FBXO36: variants seen among roughly 807,000 people sequenced by gnomAD.
FBXO36 encodes F-box protein 36.
In FBXO36, 18 loss-of-function variants were observed where a neutral mutation model predicts 17.0. The ratio of observed to expected loss-of-function variants is 1.06; its 90% CI spans 0.73 to 1.57. FBXO36 has a LOEUF of 1.57. Among genes scored for constraint, FBXO36 ranks in the 40% most tolerant of loss-of-function variants. The pLI is 0.00. For synonymous variants in FBXO36, 83 were observed against 85.3 expected (o/e 0.97, Z 0.15); for missense variants, 229 against 221.9 (o/e 1.03, Z -0.20).
chr2:229,996,946 C>T, intron 3 of FBXO36, 23 bp downstream of exon 3: 2 of 1,592,316 alleles, frequency 1.3e-6, no homozygotes, highest in Non-Finnish European at 1.7e-6. Flanking sequence ...TATTTTATGT[C>T]TATATAGAAT....
chr2:230,007,470 C>T (rs34012856), intron 3 of FBXO36, among the ~76,000 whole-genome samples: 35,172 of 152,130 alleles, frequency 0.23, 5,098 homozygotes, highest in Middle Eastern at 0.37. Context: ...CCCTGGGGCA[C>T]AGGTGGAAAC....
At chr2:229,960,225 T>C (rs556843842) in intron 1 of FBXO36, among the ~76,000 whole-genome samples, 2 of 152,260 alleles carry the variant, frequency 1.3e-5, no homozygotes, top group Non-Finnish European at 2.9e-5. Flanking sequence ...TCATCCAGGC[T>C]GTAGTGCAAT....
intron 1 of FBXO36, among the ~76,000 whole-genome samples, chr2:229,934,251 A>G (rs1429117739): frequency 1.3e-5 from 2 of 151,776 alleles, no homozygotes; most frequent in Non-Finnish European, 2.9e-5. Context: ...AATACAAAAA[A>G]TTAGCTGGGC....
intron 1 of FBXO36, among the ~76,000 whole-genome samples, chr2:229,949,068 C>T (rs534330659): frequency 7.9e-5 from 12 of 152,132 alleles, no homozygotes; most frequent in Non-Finnish European, 1.3e-4. Flanking sequence ...CTCCTGACCT[C>T]GTGATCCGCC....
chr2:230,003,165 G>A (rs922615563), intron 3 of FBXO36, among the ~76,000 whole-genome samples: 1 of 147,824 alleles, frequency 6.8e-6, no homozygotes, highest in African/African-American at 2.5e-5. Context: ...ACCCAAGATC[G>A]GGCCACCGCA....
At chr2:229,965,770 A>C (rs2077149286) in intron 1 of FBXO36, among the ~76,000 whole-genome samples, 1 of 152,030 alleles carries the variant, frequency 6.6e-6, no homozygotes, top group African/African-American at 2.4e-5. Context: ...AATCCACTCT[A>C]TCATTGTTGG....
chr2:229,941,155 T>A (rs563197982), intron 1 of FBXO36, among the ~76,000 whole-genome samples: 2 of 152,234 alleles, frequency 1.3e-5, no homozygotes, highest in African/African-American at 4.8e-5. Context: ...GAGGAGCCCC[T>A]TCTTGAAAAT....
Position 229,962,539 on chromosome 2 carries a change from T to TTTTAG in FBXO36, c.97-13698_97-13697insGTTTA, listed in dbSNP as rs1479288202. Among the ~76,000 whole-genome samples the TTTTAG allele has an allele frequency of 2.5e-4, 37 of 149,184 alleles. 1 individual carries two copies. The highest frequency in any genetic ancestry group is 1.2e-3 in the Admixed American group (18 of 14,910). Reference sequence around the variant, plus strand: ...TTTTATTTTATTTTATTTTATTTTATTTTATTTTATTGTAGAGATAGAGTT... The same window carrying TTTTAG: ...TTTTATTTTATTTTATTTTATTTTATTTTAGTTTATTTTATTGTAGAGATAGAGTT... On this transcript the variant is annotated intron_variant, in intron 1 of 3. Transcript: ENST00000283946.
chr2:229,941,884 C>T (rs1333414652), intron 1 of FBXO36, among the ~76,000 whole-genome samples: 1 of 152,002 alleles, frequency 6.6e-6, no homozygotes, highest in African/African-American at 2.4e-5. Context: ...GGTGTGGTGG[C>T]GCATGCCTAT....
chr2:229,923,855 T>C (rs1342622775), intron 1 of FBXO36, among the ~76,000 whole-genome samples: 1 of 140,442 alleles, frequency 7.1e-6, no homozygotes, highest in Non-Finnish European at 1.5e-5. Flanking sequence ...TTGTTTTTTT[T>C]TTTTTTTTTT....
intron 1 of FBXO36, among the ~76,000 whole-genome samples, chr2:229,924,802 A>G (rs1186871947): frequency 6.7e-6 from 1 of 149,510 alleles, no homozygotes; most frequent in African/African-American, 2.5e-5. Flanking sequence ...AGCGTCTCGC[A>G]CTGTCGCCCA....
chr2:229,926,194 C>T (rs1617328), intron 1 of FBXO36, among the ~76,000 whole-genome samples: 27,160 of 150,732 alleles, frequency 0.18, 2,675 homozygotes, highest in East Asian at 0.28. Context: ...CTTTGGGAGG[C>T]CGACACAGGC....
intron 1 of FBXO36, chr2:229,973,274 C>T (rs1156298160): frequency 1.3e-5 from 2 of 151,686 alleles, no homozygotes; most frequent in East Asian, 3.9e-4. Context: ...AAAAAATCAC[C>T]AATTTGAGAA....
At chr2:229,937,708 T>C (rs1281569161) in intron 1 of FBXO36, 1 of 152,098 alleles carries the variant, frequency 6.6e-6, no homozygotes, top group Non-Finnish European at 1.5e-5. Flanking sequence ...TGAGGAGCCT[T>C]TCCTGACCTT....
intron 1 of FBXO36, chr2:229,923,174 A>G (rs2076828246): frequency 6.6e-6 from 1 of 152,516 alleles, no homozygotes; most frequent in African/African-American, 2.4e-5. Flanking sequence ...TATCCCATTG[A>G]AAGTGTGCGG....
At chr2:229,938,947 A>G (rs1006273087) in intron 1 of FBXO36, among the ~76,000 whole-genome samples, 6 of 145,110 alleles carry the variant, frequency 4.1e-5, no homozygotes, top group Non-Finnish European at 9.0e-5. Context: ...TAATTTTTGT[A>G]TTTTTTGTAG....
intron 1 of FBXO36, among the ~76,000 whole-genome samples, chr2:229,936,442 G>A (rs1236882004): frequency 6.6e-6 from 1 of 152,068 alleles, no homozygotes; most frequent in Non-Finnish European, 1.5e-5. Context: ...ATCTGTATCT[G>A]TTTACAAATA....
intron 1 of FBXO36, chr2:229,945,110 T>C (rs565855378): frequency 1.3e-5 from 2 of 152,164 alleles, no homozygotes; most frequent in East Asian, 3.9e-4. Context: ...GTAAACAATA[T>C]TGGGCCACAG....
In FBXO36 at chr2:229,948,920, G is replaced by A. The variant is rs188658058; in HGVS notation, c.96+26311G>A. Among the ~76,000 whole-genome samples, 571 of 152,118 alleles carry A rather than the reference G, an allele frequency of 3.8e-3. 4 individuals are homozygous for A. The highest frequency in any genetic ancestry group is 0.013 in the African/African-American group (544 of 41,502). On this transcript the variant is annotated intron_variant, in intron 1 of 3. Transcript: ENST00000283946. ...ATGATCTCAGCTCACTGCAGCCTTC[G>A]CCTCCCGAGTTCAACTGATTATCCT... is the stretch of plus-strand genomic sequence containing the variant.
Sources: allele counts gnomAD v4.1 joint callset (sites outside exome capture counted in the v4.1 genomes callset), GRCh38; gene constraint gnomAD v4.1.1; transcripts MANE v1.5; gene names NCBI Gene and HGNC (gene_info 2026-07-23, HGNC 2026-07-21).